PTPRS: variants seen among roughly 807,000 people sequenced by gnomAD.
PTPRS encodes protein tyrosine phosphatase receptor type S.
PTPRS carries 63 observed loss-of-function variants against 215.3 expected under a neutral mutation model. The observed-to-expected ratio is 0.29, with a 90% CI of 0.24 to 0.36. PTPRS has a LOEUF of 0.36. PTPRS is among the 10% of genes least tolerant of loss of function. PTPRS has a pLI of 1.00. For synonymous variants in PTPRS, 1,404 were observed against 1,191.4 expected (o/e 1.18, Z -3.68); for missense variants, 2,258 against 2,825.8 (o/e 0.80, Z 4.56).
At chr19:5,330,873 C>T (rs1279368244) in intron 1 of PTPRS, among the ~76,000 whole-genome samples, 4 of 152,132 alleles carry the variant, frequency 2.6e-5, no homozygotes, top group Non-Finnish European at 4.4e-5. Context: ...GGAGTTGAAG[C>T]CAGCACTGTT....
chr19:5,306,464 T>C (rs1198316833), intron 1 of PTPRS, among the ~76,000 whole-genome samples: 1 of 151,970 alleles, frequency 6.6e-6, no homozygotes, highest in Non-Finnish European at 1.5e-5. Context: ...TTTTTTTTTG[T>C]ATGTGAAAAT....
At chr19:5,273,916 T>C (rs139636291) in intron 3 of PTPRS, among the ~76,000 whole-genome samples, 102 of 152,244 alleles carry the variant, frequency 6.7e-4, no homozygotes, top group African/African-American at 2.3e-3. Context: ...TGGGCGTGTA[T>C]TGAGAGTTGT....
rs554214912 is a variant in PTPRS at position 5,281,953 on chromosome 19, C to T, written c.91+4097G>A. Among the ~76,000 whole-genome samples the T allele has an allele frequency of 1.8e-4, 27 of 152,322 alleles. 3 individuals are homozygous for T. The highest frequency in any genetic ancestry group is 6.5e-4 in the Admixed American group (10 of 15,304). On this transcript the variant is annotated intron_variant, in intron 2 of 37. Coordinates refer to ENST00000262963, the MANE Select transcript of PTPRS (RefSeq NM_002850.4). ...TCATCTGGCAGCTTCAACCTCAGCT[C>T]GGCCAGCACCTCCCCTGGGGAGCCT...
intron 13 of PTPRS, among the ~76,000 whole-genome samples, chr19:5,232,770 G>A (rs2043125514): frequency 6.6e-6 from 1 of 150,854 alleles, no homozygotes. Flanking sequence ...ATTGTGGTAA[G>A]GCATTGTGCT....
intron 9 of PTPRS, among the ~76,000 whole-genome samples, chr19:5,248,864 C>T (rs1428046772): frequency 1.3e-5 from 2 of 152,250 alleles, no homozygotes; most frequent in African/African-American, 4.8e-5. Flanking sequence ...ATTGGGTATC[C>T]TGCCGAGAAA....
chr19:5,220,913 A>T (rs1323367343), intron 20 of PTPRS, 87 bp downstream of exon 20: 1 of 1,448,500 alleles, frequency 6.9e-7, no homozygotes, highest in Non-Finnish European at 9.3e-7. Context: ...AAGGAAATTG[A>T]GGCACAGAGA....
intron 4 of PTPRS, among the ~76,000 whole-genome samples, chr19:5,271,729 A>T (rs1380166676): frequency 2.0e-5 from 3 of 146,516 alleles, no homozygotes; most frequent in African/African-American, 7.6e-5. Context: ...TCATTCATTC[A>T]TTCATTTATT....
intron 1 of PTPRS, among the ~76,000 whole-genome samples, chr19:5,334,256 C>T (rs1174458986): frequency 1.3e-5 from 2 of 152,214 alleles, no homozygotes; most frequent in African/African-American, 2.4e-5. Flanking sequence ...GGCGGGGTAG[C>T]GGGGCGCGGG....
intron 13 of PTPRS, among the ~76,000 whole-genome samples, chr19:5,234,589 T>G (rs2145742153): frequency 6.6e-6 from 1 of 152,236 alleles, no homozygotes; most frequent in South Asian, 2.1e-4. Context: ...AAACAGCAGT[T>G]GTCATTTAAG....
At chr19:5,221,282 C>G (rs771495463) in intron 19 of PTPRS, 29 bp from the exon 20 acceptor site, 32 of 1,594,450 alleles carry the variant, frequency 2.0e-5, no homozygotes, top group Non-Finnish European at 2.7e-5. Flanking sequence ...TCAGCAGGGC[C>G]TGGTGGGCTC....
At chr19:5,308,331 C>G (rs1221898621) in intron 1 of PTPRS, among the ~76,000 whole-genome samples, 1 of 152,102 alleles carries the variant, frequency 6.6e-6, no homozygotes, top group Non-Finnish European at 1.5e-5. Context: ...GAGATGGGAA[C>G]TCTTTAACTA....
chr19:5,289,785 G>A (rs1474932874), intron 1 of PTPRS, among the ~76,000 whole-genome samples: 7 of 152,230 alleles, frequency 4.6e-5, no homozygotes, highest in Non-Finnish European at 1.0e-4. Context: ...AGAGCAAGGG[G>A]GCAGCACTGA....
intron 1 of PTPRS, among the ~76,000 whole-genome samples, chr19:5,309,210 T>C (rs911480486): frequency 3.9e-5 from 6 of 152,024 alleles, no homozygotes; most frequent in Admixed American, 2.6e-4. Context: ...CTTAGTGGGG[T>C]TGAGCCTGTG....
At chr19:5,243,611 C>A (rs1403921125) in intron 11 of PTPRS, among the ~76,000 whole-genome samples, 1 of 152,016 alleles carries the variant, frequency 6.6e-6, no homozygotes, top group Non-Finnish European at 1.5e-5. Flanking sequence ...TCCCGAGTAG[C>A]TAGGATTACA....
intron 1 of PTPRS, among the ~76,000 whole-genome samples, chr19:5,312,598 C>G (rs1184520142): frequency 6.6e-6 from 1 of 152,098 alleles, no homozygotes; most frequent in Non-Finnish European, 1.5e-5. Flanking sequence ...GAGATGGAGG[C>G]GGCAGTGAGC....
chr19:5,339,734 G>GC lies in PTPRS; in HGVS notation c.-95+929dup, dbSNP rs1231162178. Among the ~76,000 whole-genome samples the GC allele has an allele frequency of 2.0e-5, 3 of 151,816 alleles. No homozygotes were observed. The highest frequency in any genetic ancestry group is 2.9e-5 in the Non-Finnish European group (2 of 67,842). On this transcript the variant is annotated intron_variant, in intron 1 of 37. Coordinates refer to ENST00000262963, the MANE Select transcript of PTPRS (RefSeq NM_002850.4). The surrounding 1 kb of genome is among the most constrained non-coding windows in gnomAD (Gnocchi z 4.2). ...CCTTTAACCCAGTGCCGACGGCCCCGCCCCCGGTATGACGTCACCTCCCCT... is the reference window on the plus strand; with the variant it reads ...CCTTTAACCCAGTGCCGACGGCCCCGCCCCCCGGTATGACGTCACCTCCCCT...
At chr19:5,255,664 C>A (rs1180582500) in intron 9 of PTPRS, among the ~76,000 whole-genome samples, 1 of 151,958 alleles carries the variant, frequency 6.6e-6, no homozygotes, top group East Asian at 1.9e-4. Flanking sequence ...AACACTCCAA[C>A]AGAAGGCGTT....
intron 11 of PTPRS, among the ~76,000 whole-genome samples, chr19:5,240,746 G>A (rs868015011): frequency 4.0e-5 from 6 of 151,636 alleles, no homozygotes; most frequent in African/African-American, 1.5e-4. Flanking sequence ...GGCTGAGGCA[G>A]GAGAATGGTG....
intron 1 of PTPRS, among the ~76,000 whole-genome samples, chr19:5,331,862 G>A (rs762210300): frequency 1.3e-5 from 2 of 152,148 alleles, no homozygotes; most frequent in Non-Finnish European, 2.9e-5. Context: ...CAGAGCCAAC[G>A]TTTATCGAGC....
Sources: gnomAD v4.1 joint callset for allele counts (sites outside exome capture counted in the v4.1 genomes callset) on GRCh38, gnomAD v4.1.1 for gene constraint, Gnocchi (gnomAD v3.1) non-coding constraint, MANE v1.5 for transcripts, NCBI Gene and HGNC (gene_info 2026-07-23, HGNC 2026-07-21) for gene names.